Variants in OXSR1 observed in about 807,000 individuals in gnomAD.
OXSR1 encodes the protein oxidative stress responsive kinase 1.
Under a neutral mutation model 79.8 loss-of-function variants are expected in OXSR1, and 24 were observed. That is an observed-to-expected ratio of 0.30 (90% CI 0.22 to 0.42). The LOEUF is 0.42. Among genes scored for constraint, OXSR1 ranks in the 10% least tolerant of loss-of-function variants. OXSR1 has a pLI of 1.00. For missense variants in OXSR1, 430 were observed against 618.4 expected (o/e 0.70, Z 3.23); for synonymous variants, 226 against 209.2 (o/e 1.08, Z -0.69).
At chr3:38,171,666 C>CT (rs34250513) in intron 1 of OXSR1, among the ~76,000 whole-genome samples, 3,108 of 140,060 alleles carry the variant, frequency 0.022, 51 homozygotes, top group South Asian at 0.04. Context: ...ATTCAAAGGA[C>CT]TTTTTTTTTT....
At chr3:38,247,409 A>T (rs984933479) in intron 13 of OXSR1, among the ~76,000 whole-genome samples, 1 of 152,100 alleles carries the variant, frequency 6.6e-6, no homozygotes, top group African/African-American at 2.4e-5. Context: ...ATAAAATGTA[A>T]ATGTGGCTAT....
intron 4 of OXSR1, among the ~76,000 whole-genome samples, chr3:38,205,612 G>C (rs1702251534): frequency 6.6e-6 from 1 of 152,186 alleles, no homozygotes; most frequent in African/African-American, 2.4e-5. Flanking sequence ...ACCTTCTCCT[G>C]CTGGTCCGCC....
chr3:38,194,155 A>G (rs1702032987), intron 3 of OXSR1, among the ~76,000 whole-genome samples: 1 of 152,214 alleles, frequency 6.6e-6, no homozygotes, highest in Admixed American at 6.5e-5. Flanking sequence ...GGGCTATGGG[A>G]ACAAATTCCA....
At chr3:38,205,281 T>C (rs372283259) in intron 4 of OXSR1, among the ~76,000 whole-genome samples, 11 of 152,212 alleles carry the variant, frequency 7.2e-5, no homozygotes, top group African/African-American at 2.2e-4. Context: ...CTTATGAAGG[T>C]GCTTTTTCAT....
intron 5 of OXSR1, among the ~76,000 whole-genome samples, chr3:38,218,526 T>TTTG (rs936842299): frequency 6.6e-6 from 1 of 152,172 alleles, no homozygotes; most frequent in Non-Finnish European, 1.5e-5. Context: ...TTATTTTATT[T>TTTG]TTGTTGTTGT....
chr3:38,236,777 G>T, intron 10 of OXSR1, 62 bp from the exon 11 acceptor site: 1 of 1,428,422 alleles, frequency 7.0e-7, no homozygotes. Flanking sequence ...AGAGAAATAT[G>T]GAGTTTTCTA....
At chr3:38,229,778 T>A (rs750287708) in intron 9 of OXSR1, 43 bp downstream of exon 9, 3 of 1,416,996 alleles carry the variant, frequency 2.1e-6, no homozygotes, top group Non-Finnish European at 3.0e-6. Context: ...CATAGGATGC[T>A]CCTCAATTAC....
chr3:38,229,677 C>A lies in OXSR1; in HGVS notation c.837-10C>A, dbSNP rs374604148. 1.9e-6 allele frequency: 3 copies of A among 1,608,216 alleles called. No individual in the cohort carries two copies. The African/African-American group carries it at 4.0e-5, about 22-fold the overall frequency. The stretch of plus-strand genomic sequence containing the variant: ...ATAAAAACTTTTCTTCCCTCCCTTC[C>A]TGGTTTTAGACCAACAGCAGCAGAA... On this transcript the variant is annotated splice_polypyrimidine_tract_variant and intron_variant, in intron 8 of 17. Coordinates refer to ENST00000311806, the MANE Select transcript of OXSR1 (RefSeq NM_005109.3).
chr3:38,222,495 G>A (rs960306378), intron 6 of OXSR1, among the ~76,000 whole-genome samples: 12 of 152,170 alleles, frequency 7.9e-5, no homozygotes, highest in African/African-American at 2.9e-4. Flanking sequence ...GCAGAGTGGG[G>A]AGGGGAACTT....
rs547019102 is a variant in OXSR1 at position 38,248,265 on chromosome 3, T to C, written c.1322+533T>C. ...ATTGGTGGTTCTTGGTGGGAACATA[T>C]AGAGAGGTCCTGACAGATTGCTCAG... is the stretch of plus-strand genomic sequence containing the variant. On this transcript the variant is annotated intron_variant, in intron 14 of 17. Transcript: ENST00000311806. Among the ~76,000 whole-genome samples the C allele has an allele frequency of 5.3e-5, 8 of 152,096 alleles. 1 individual carries two copies. In the East Asian group the frequency reaches 9.7e-4, roughly 18 times the overall value.
At chr3:38,182,452 A>G (rs1006131147) in intron 1 of OXSR1, among the ~76,000 whole-genome samples, 3 of 152,186 alleles carry the variant, frequency 2.0e-5, no homozygotes, top group African/African-American at 7.2e-5. Flanking sequence ...TGCCCCTTTC[A>G]TAGACTGTTG....
chr3:38,194,232 G>A (rs1702033979), intron 3 of OXSR1, among the ~76,000 whole-genome samples: 1 of 152,154 alleles, frequency 6.6e-6, no homozygotes, highest in Admixed American at 6.5e-5. Context: ...CTCTGGAGGT[G>A]AAGTCCAACT....
chr3:38,203,971 C>T (rs563890997), intron 4 of OXSR1, among the ~76,000 whole-genome samples: 3 of 152,318 alleles, frequency 2.0e-5, no homozygotes, highest in South Asian at 2.1e-4. Context: ...CATCAGAGAG[C>T]CAGGGCCTGG....
intron 8 of OXSR1, among the ~76,000 whole-genome samples, chr3:38,226,177 A>C (rs1166216226): frequency 6.6e-6 from 1 of 152,084 alleles, no homozygotes; most frequent in African/African-American, 2.4e-5. Flanking sequence ...GGATTCCTGA[A>C]CATAATGCCC....
At chr3:38,234,879 C>A (rs1259663403) in intron 10 of OXSR1, among the ~76,000 whole-genome samples, 1 of 152,228 alleles carries the variant, frequency 6.6e-6, no homozygotes, top group Non-Finnish European at 1.5e-5. Flanking sequence ...GTGGTATATT[C>A]ATGCAGTAGA....
In OXSR1 at chr3:38,250,203, C is replaced by A. The variant is rs547885655; in HGVS notation, c.1375+185C>A. 66 of 563,140 alleles carry A rather than the reference C, an allele frequency of 1.2e-4. No homozygotes were observed. In the African/African-American group the frequency reaches 1.2e-3, roughly 10 times the overall value. 34.9% of individuals were successfully genotyped at this position (563,140 alleles called of 1,614,324 possible). A position where few individuals can be genotyped will look rare whatever the true frequency, so the allele number is the denominator to read the frequency against. ...TGACTACTAAACACATTTAGAAAAC[C>A]TTGTATAATAATACAAACAGTAATA... On this transcript the variant is annotated intron_variant, in intron 15 of 17. Coordinates refer to ENST00000311806, the MANE Select transcript of OXSR1 (RefSeq NM_005109.3).
At chr3:38,248,461 A>G (rs953652842) in intron 14 of OXSR1, among the ~76,000 whole-genome samples, 25 of 152,024 alleles carry the variant, frequency 1.6e-4, no homozygotes, top group Non-Finnish European at 2.9e-5. Context: ...TTGAAAAAAA[A>G]TTAGTATTAA....
At chr3:38,185,946 C>CAAAAAAAAAAAAAAAAAAA (rs71085304) in intron 2 of OXSR1, among the ~76,000 whole-genome samples, 1 of 32,094 alleles carries the variant, frequency 3.1e-5, no homozygotes, top group Non-Finnish European at 5.1e-5. Context: ...GGCCCTGTCT[C>CAAAAAAAAAAAAAAAAAAA]AAAAAAAAAA....
chr3:38,236,747 G>A, intron 10 of OXSR1, 92 bp from the exon 11 acceptor site: 1 of 1,145,504 alleles, frequency 8.7e-7, no homozygotes. Flanking sequence ...CTACTTAATG[G>A]ATTGAAGTGA....
Sources: gnomAD v4.1 joint callset for allele counts (sites outside exome capture counted in the v4.1 genomes callset) on GRCh38, gnomAD v4.1.1 for gene constraint, MANE v1.5 for transcripts, NCBI Gene and HGNC (gene_info 2026-07-23, HGNC 2026-07-21) for gene names.